TOM1: variants seen among roughly 807,000 people sequenced by gnomAD.
TOM1 encodes target of myb1 membrane trafficking protein, also known as target of Myb protein 1.
TOM1 carries 38 observed loss-of-function variants against 61.3 expected under a neutral mutation model. The ratio of observed to expected loss-of-function variants is 0.62; its 90% CI spans 0.48 to 0.81. The LOEUF is 0.81. TOM1 is among the 40% of genes least tolerant of loss of function. The pLI is 0.00. For missense variants in TOM1, 591 were observed against 659.6 expected (o/e 0.90, Z 1.14); for synonymous variants, 270 against 268.8 (o/e 1.00, Z -0.04).
chr22:35,311,767 C>T (rs1926846716), intron 1 of TOM1, among the ~76,000 whole-genome samples: 1 of 152,224 alleles, frequency 6.6e-6, no homozygotes, highest in Non-Finnish European at 1.5e-5. Flanking sequence ...GCCCCCACGA[C>T]AGTTGGGGAT....
rs192566067 is a variant in TOM1 at position 35,320,364 on chromosome 22, G to A, written c.138-1595G>A. On this transcript the variant is annotated intron_variant, in intron 2 of 14. Transcript: ENST00000449058. ...GGGCAGCACTGAGTATACCTGTATA[G>A]GGCCGAGGGTGGAGGATGGTGGGAA... 3.3e-5 allele frequency among the ~76,000 whole-genome samples: 5 copies of A among 152,264 alleles called. No individual in the cohort carries two copies. The East Asian group carries it at 9.7e-4, about 29-fold the overall frequency.
intron 8 of TOM1, 126 bp downstream of exon 8, chr22:35,330,606 CT>C: frequency 2.0e-6 from 2 of 982,658 alleles, no homozygotes; most frequent in Non-Finnish European, 2.9e-6. Context: ...ACAAGGCAGG[CT>C]CCTAAGGGCC....
intron 11 of TOM1, among the ~76,000 whole-genome samples, chr22:35,336,541 G>A (rs1929354959): frequency 6.6e-6 from 1 of 152,252 alleles, no homozygotes. Context: ...AGGAGTAGCA[G>A]GGCTTCTGGG....
rs571526149 is a variant in TOM1 at position 35,328,901 on chromosome 22, C to G, written c.766-1446C>G. ...GGAACCTTCACCTGGTGGCAGGTAC[C>G]TGAAGAAATAATTGACCAATCTTAA... On this transcript the variant is annotated intron_variant, in intron 7 of 14. Coordinates refer to ENST00000449058, the MANE Select transcript of TOM1 (RefSeq NM_005488.3). 5.9e-5 allele frequency among the ~76,000 whole-genome samples: 9 copies of G among 152,358 alleles called. No individual in the cohort carries two copies. The South Asian group carries it at 1.9e-3, about 32-fold the overall frequency.
At chr22:35,312,243 CAAA>C (rs61692841) in intron 1 of TOM1, among the ~76,000 whole-genome samples, 28 of 116,816 alleles carry the variant, frequency 2.4e-4, no homozygotes, top group Admixed American at 4.3e-4. Flanking sequence ...GACTCCGTCT[CAAA>C]AAAAAAAAAA....
intron 9 of TOM1, 82 bp downstream of exon 9, chr22:35,333,096 A>G: frequency 1.4e-6 from 2 of 1,445,470 alleles, no homozygotes; most frequent in East Asian, 2.3e-5. Flanking sequence ...TCCCCTAGTA[A>G]ACTGGACAGG....
Position 35,323,179 on chromosome 22 carries a change from T to C in TOM1, c.366+2T>C, listed in dbSNP as rs766891991. ...GACAAAGTGCTCAACCTCATCCAGGTGAGTGCCAGGACAGGGCAGGGCACG... is the reference window on the plus strand; with the variant it reads ...GACAAAGTGCTCAACCTCATCCAGGCGAGTGCCAGGACAGGGCAGGGCACG... On this transcript the variant is annotated splice_donor_variant, in intron 4 of 14. Transcript: ENST00000449058. LOFTEE classifies it high-confidence loss of function. The surrounding 1 kb of genome is among the most constrained non-coding windows in gnomAD (Gnocchi z 4.2). 3.7e-6 allele frequency: 6 copies of C among 1,613,556 alleles called. No individual in the cohort carries two copies. The Admixed American group carries it at 8.3e-5, about 22-fold the overall frequency.
At chr22:35,345,044 T>TA (rs1331868947) in intron 12 of TOM1, 2 of 153,484 alleles carry the variant, frequency 1.3e-5, no homozygotes, top group Non-Finnish European at 2.9e-5. Flanking sequence ...CAGAAGCCGT[T>TA]AGAGAGGAAA....
chr22:35,332,617 C>A (rs1205540353), intron 8 of TOM1, among the ~76,000 whole-genome samples: 1 of 149,250 alleles, frequency 6.7e-6, no homozygotes, highest in South Asian at 2.1e-4. Context: ...TACACACACA[C>A]AAATATGTAA....
intron 6 of TOM1, among the ~76,000 whole-genome samples, chr22:35,324,217 A>T (rs1467133502): frequency 6.6e-6 from 1 of 152,086 alleles, no homozygotes; most frequent in Non-Finnish European, 1.5e-5. Context: ...CTCCAACAGC[A>T]CCATGGAGAG....
chr22:35,336,497 C>T (rs565995191), intron 11 of TOM1, among the ~76,000 whole-genome samples: 1 of 152,390 alleles, frequency 6.6e-6, no homozygotes, highest in African/African-American at 2.4e-5. Flanking sequence ...ACCGTCACAG[C>T]CTTCCTGCAG....
At chr22:35,318,114 G>T in intron 2 of TOM1, 153 bp downstream of exon 2, 1 of 680,346 alleles carries the variant, frequency 1.5e-6, no homozygotes. Flanking sequence ...GGCCATCTGA[G>T]CCCCTAGTAC....
At position 35,334,597 on chromosome 22, in the gene TOM1, T is replaced by C. The variant is rs1402412508; in HGVS notation, c.1148+149T>C. ...TAGTATCCCCTAAGTCAGTCCAGCA[T>C]GGCCTGGGAGCCCTGTGGTCAGTTG... On this transcript the variant is annotated intron_variant, in intron 11 of 14. Transcript: ENST00000449058. 3 of 960,976 alleles carry C rather than the reference T, an allele frequency of 3.1e-6. No homozygotes were observed. The African/African-American group carries it at 4.9e-5, about 16-fold the overall frequency. The allele number at this position is 960,976 out of a possible 1,614,324, so 59.5% of individuals were successfully genotyped here. A position where few individuals can be genotyped will look rare whatever the true frequency, so the allele number is the denominator to read the frequency against.
chr22:35,326,939 G>A (rs1005846775), intron 6 of TOM1, among the ~76,000 whole-genome samples: 2 of 152,174 alleles, frequency 1.3e-5, no homozygotes, highest in African/African-American at 2.4e-5. Context: ...GTCCCTCCCC[G>A]CCTTGTGGGG....
chr22:35,324,137 G>A (rs898320323), intron 6 of TOM1, among the ~76,000 whole-genome samples: 38 of 152,324 alleles, frequency 2.5e-4, no homozygotes, highest in Admixed American at 1.7e-3. Context: ...CCAAGCTCAC[G>A]TCTGTCTGAC....
intron 12 of TOM1, chr22:35,344,099 A>C (rs1930289465): frequency 6.6e-6 from 1 of 152,368 alleles, no homozygotes; most frequent in Non-Finnish European, 1.5e-5. Context: ...AAGTGGCAGC[A>C]GGCCTCCTGA....
rs540464553 is a variant in TOM1, at chr22:35,322,504, C to T, written c.216+467C>T. The T allele has an allele frequency of 1.1e-3, 202 of 188,288 alleles. 1 individual carries two copies. Among genetic ancestry groups the T allele is most frequent in the African/African-American group, 4.4e-3 (187 of 42,336 alleles). 11.7% of individuals were successfully genotyped at this position (188,288 alleles called of 1,614,324 possible). ...GCCAGACACACGTGGGCCTCCTAGC[C>T]GTCAGCATGGGTTTGGCTGGGGAAG... On this transcript the variant is annotated intron_variant, in intron 3 of 14. Transcript: ENST00000449058.
chr22:35,303,148 A>C (rs1049014906), intron 1 of TOM1, among the ~76,000 whole-genome samples: 1 of 148,954 alleles, frequency 6.7e-6, no homozygotes, highest in Non-Finnish European at 1.5e-5. Context: ...ACACACACAC[A>C]CCCCTTTGTG....
At chr22:35,328,427 T>C (rs574805023) in intron 7 of TOM1, among the ~76,000 whole-genome samples, 15 of 152,184 alleles carry the variant, frequency 9.9e-5, no homozygotes, top group Non-Finnish European at 1.5e-4. Flanking sequence ...TTCACATCGC[T>C]CACGTAATCC....
Sources: gnomAD v4.1 joint callset for allele counts (sites outside exome capture counted in the v4.1 genomes callset) on GRCh38, gnomAD v4.1.1 for gene constraint, Gnocchi (gnomAD v3.1) non-coding constraint, MANE v1.5 for transcripts, NCBI Gene and HGNC (gene_info 2026-07-23, HGNC 2026-07-21) for gene names.